Variants in RNF41 observed in about 807,000 individuals in gnomAD.
RNF41 encodes E3 ubiquitin-protein ligase NRDP1.
RNF41 carries 4 observed loss-of-function variants against 33.0 expected under a neutral mutation model. That is an observed-to-expected ratio of 0.12 (90% confidence interval 0.06 to 0.28). The LOEUF (loss-of-function observed/expected upper bound fraction) is 0.28, where lower values mean the gene tolerates loss of function less well. Ranked by LOEUF, RNF41 falls within the 10% of genes least tolerant of loss-of-function variation. RNF41 has a pLI of 1.00. For missense variants in RNF41, 228 were observed against 432.6 expected, an observed-to-expected ratio of 0.53 and a Z score of 4.19; for synonymous variants, 164 against 153.2, an observed-to-expected ratio of 1.07 and a Z score of -0.52.
intron 2 of RNF41, among the ~76,000 whole-genome samples, chr12:56,215,397 A>C (rs1868799333): frequency 1.3e-5 from 2 of 152,042 alleles, no homozygotes; most frequent in African/African-American, 4.8e-5. Context: ...AAGAGTCTGA[A>C]CTTAGGTGGT....
chr12:56,213,070 GAA>G, intron 3 of RNF41: 4 of 1,289,736 alleles, frequency 3.1e-6, no homozygotes, highest in Non-Finnish European at 4.0e-6. Context: ...GGCTGGCAGA[GAA>G]ATGACCTATT....
At position 56,217,789 on chromosome 12, in the gene RNF41, C is replaced by T. The variant is rs144725441; in HGVS notation, c.-208-1176G>A. On this transcript the variant is annotated intron_variant, in intron 1 of 6. Coordinates refer to ENST00000345093, the MANE Select transcript of RNF41 (RefSeq NM_005785.4). ...TGAACCCTATTGTGAACTGCCCATG[C>T]GAGGGATCTAGGTTGCCCACTCCCT... Among the ~76,000 whole-genome samples, 35 of 152,126 alleles carry T rather than the reference C, an allele frequency of 2.3e-4. 1 individual carries two copies. The East Asian group carries it at 6.0e-3, about 26-fold the overall frequency.
intron 1 of RNF41, among the ~76,000 whole-genome samples, chr12:56,220,220 C>CG (rs1297851165): frequency 6.7e-6 from 1 of 148,218 alleles, no homozygotes; most frequent in Non-Finnish European, 1.5e-5. Flanking sequence ...TTTTTTTTGG[C>CG]GGGGGGTGTG....
rs1878695707 is a variant in RNF41 at position 56,203,642 on chromosome 12, C to T, written c.*2805G>A. On this transcript the variant is annotated 3_prime_UTR_variant, in exon 7 of 7. Transcript: ENST00000345093. ...ATCTCCTGACGTTGTGATCCACCCA[C>T]CTTGGCCTCCCAAAGTGCTGGGATT... 6.6e-6 allele frequency: 1 copy of T among 151,668 alleles called. No homozygotes were observed. Among genetic ancestry groups the T allele is most frequent in the Admixed American group, 6.6e-5 (1 of 15,180 alleles). 9.4% of individuals were successfully genotyped at this position (151,668 alleles called of 1,614,324 possible).
At chr12:56,207,144 C>T (rs988831137) in intron 6 of RNF41, 1 of 1,314,516 alleles carries the variant, frequency 7.6e-7, no homozygotes, top group African/African-American at 1.5e-5. Context: ...ACTATTTGCC[C>T]TGTATATATT....
chr12:56,220,758 A>G (rs1373782419), intron 1 of RNF41, among the ~76,000 whole-genome samples: 3 of 151,996 alleles, frequency 2.0e-5, no homozygotes, highest in Non-Finnish European at 2.9e-5. Flanking sequence ...AGAATGCAAA[A>G]TAAATTTAGA....
chr12:56,220,203 T>C (rs1204359391), intron 1 of RNF41, among the ~76,000 whole-genome samples: 1 of 151,668 alleles, frequency 6.6e-6, no homozygotes, highest in Non-Finnish European at 1.5e-5. Context: ...GTCAGGGTTT[T>C]GTTTTGTTTT....
In RNF41 at chr12:56,206,460, A is replaced by G. The variant is rs755575659; in HGVS notation, c.941T>C (p.Val314Ala). Residue 314 changes from valine (V) to alanine (A), a missense_variant, in exon 7 of 7, where the codon GTG becomes GCG. Transcript: ENST00000345093. The surrounding 1 kb of genome is among the most constrained non-coding windows in gnomAD (Gnocchi z 5.7). ...AGTCGAGTTCTCTTATATCTCTTCC[A>G]CGCCATGCGCAAATATCATGACAAG... ...PGLVMIFAHG[V>A]EEI 2 of 1,612,020 alleles carry G rather than the reference A, an allele frequency of 1.2e-6. No homozygotes were observed. Among genetic ancestry groups the G allele is most frequent in the South Asian group, 2.2e-5 (2 of 90,894 alleles).
At chr12:56,208,486 G>A (rs1018713724) in intron 4 of RNF41, 188 bp from the exon 5 acceptor site, 1 of 503,136 alleles carries the variant, frequency 2.0e-6, no homozygotes, top group Non-Finnish European at 3.5e-6. Context: ...TTGCCCCTTT[G>A]CTGTCTATTT....
chr12:56,217,301 C>T (rs566310265), intron 1 of RNF41, among the ~76,000 whole-genome samples: 4 of 152,184 alleles, frequency 2.6e-5, no homozygotes, highest in Non-Finnish European at 5.9e-5. Context: ...GATCCCAGCA[C>T]TTTGGGAGGC....
At position 56,203,195 on chromosome 12, in the gene RNF41, T is replaced by C. The variant is rs773657; in HGVS notation, c.*3252A>G. ...ATCCCTTTTTCTTTTCTTTTCTTTT[T>C]TTTTTTTGAGACAGGCTCTTGCTCT... On this transcript the variant is annotated 3_prime_UTR_variant, in exon 7 of 7. Coordinates refer to ENST00000345093, the MANE Select transcript of RNF41 (RefSeq NM_005785.4). The C allele has an allele frequency of 0.84, 127,805 of 151,556 alleles. 58,068 individuals carry two copies. The highest frequency in any genetic ancestry group is 1 in the South Asian group (4,808 of 4,820). 9.4% of individuals were successfully genotyped at this position (151,556 alleles called of 1,614,324 possible).
At chr12:56,219,683 C>G (rs1869198689) in intron 1 of RNF41, among the ~76,000 whole-genome samples, 2 of 21,994 alleles carry the variant, frequency 9.1e-5, no homozygotes. Flanking sequence ...ACGCGCGCAC[C>G]CCTTATACAT....
intron 2 of RNF41, among the ~76,000 whole-genome samples, chr12:56,215,236 C>G (rs1868785002): frequency 6.6e-6 from 1 of 152,154 alleles, no homozygotes; most frequent in African/African-American, 2.4e-5. Context: ...TGTGAAAAGT[C>G]TGTGAGGATT....
At chr12:56,214,765 G>A (rs1429661315) in intron 2 of RNF41, among the ~76,000 whole-genome samples, 1 of 152,070 alleles carries the variant, frequency 6.6e-6, no homozygotes. Context: ...GGAGGCAGAG[G>A]CTGCAGTGAG....
rs202187350 is a variant in RNF41 at position 56,206,648 on chromosome 12, G to A, written c.753C>T (p.His251=). ...CCAGACCCTGGGGCCAGCTACGCTC[G>A]TGGGCATTTTCAATCAGCTCGTTGA... The part of the protein sequence containing the change: ...SIVNELIENA[H]ERSWPQGLAT... The change falls in exon 7 of 7, where the codon CAC becomes CAT. Residue 251 remains histidine (H), a synonymous_variant. Coordinates refer to ENST00000345093, the MANE Select transcript of RNF41 (RefSeq NM_005785.4). This position sits in a 1 kb window ranked among gnomAD's most constrained non-coding sequence, Gnocchi z 5.7. The A allele has an allele frequency of 6.8e-5, 109 of 1,613,994 alleles. No individual in the cohort carries two copies. Among genetic ancestry groups the A allele is most frequent in the East Asian group, 4.5e-5 (2 of 44,900 alleles).
intron 2 of RNF41, among the ~76,000 whole-genome samples, chr12:56,216,202 A>G (rs1868880401): frequency 6.6e-6 from 1 of 152,218 alleles, no homozygotes; most frequent in Admixed American, 6.6e-5. Context: ...ATAGGAAAAA[A>G]AACACATAAA....
intron 1 of RNF41, among the ~76,000 whole-genome samples, chr12:56,220,822 T>G (rs1869344618): frequency 6.6e-6 from 1 of 152,040 alleles, no homozygotes; most frequent in Non-Finnish European, 1.5e-5. Flanking sequence ...TTCTTTTTAC[T>G]AGAAGGCAGG....
In RNF41 at chr12:56,211,561, G is replaced by C. The variant is rs1006658478; in HGVS notation, c.91-993C>G. On this transcript the variant is annotated intron_variant, in intron 3 of 6. Transcript: ENST00000345093. ...CCAGAGGAGGGTGAGGTCTTTTCAG[G>C]CTAGCTCAATCACGGCAGGTATTTA... Among the ~76,000 whole-genome samples the C allele has an allele frequency of 3.2e-4, 49 of 152,062 alleles. 3 individuals are homozygous for C. The highest frequency in any genetic ancestry group is 1.5e-5 in the Non-Finnish European group (1 of 68,016).
Position 56,210,539 on chromosome 12 carries a change from G to A in RNF41, c.120C>T (p.Asn40=), listed in dbSNP as rs761953244. ...QAPHCEHAFC[N]ACITQWFSQQ... is the part of the protein sequence containing the mutation. ...GAGAGAACCACTGGGTGATGCAGGCGTTGCAGAAAGCATGTTCACAATGAG... is the reference window on the plus strand; with the variant it reads ...GAGAGAACCACTGGGTGATGCAGGCATTGCAGAAAGCATGTTCACAATGAG... The change falls in exon 4 of 7, where the codon AAC becomes AAT. Residue 40 remains asparagine (N), a synonymous_variant. Transcript: ENST00000345093. 35 of 1,613,556 alleles carry A rather than the reference G, an allele frequency of 2.2e-5. No individual in the cohort carries two copies. The highest frequency in any genetic ancestry group is 8.0e-5 in the African/African-American group (6 of 74,924).
Sources: gnomAD v4.1 joint callset for allele counts (sites outside exome capture counted in the v4.1 genomes callset) on GRCh38, gnomAD v4.1.1 for gene constraint, Gnocchi (gnomAD v3.1) non-coding constraint, MANE v1.5 for transcripts, NCBI Gene and HGNC (gene_info 2026-07-23, HGNC 2026-07-21) for gene names.